Variants in CALN1 observed in about 807,000 individuals in gnomAD.
The protein encoded by CALN1 is calneuron 1.
Under a neutral mutation model 30.6 loss-of-function variants are expected in CALN1, and 17 were observed. That is an observed-to-expected ratio of 0.56 (90% CI 0.38 to 0.83). The LOEUF (loss-of-function observed/expected upper bound fraction) is 0.83, where lower values mean the gene tolerates loss of function less well. Ranked by LOEUF, CALN1 falls within the 40% of genes least tolerant of loss-of-function variation. CALN1 has a pLI of 0.00. For missense variants in CALN1, 291 were observed against 354.9 expected (o/e 0.82, Z 1.45); for synonymous variants, 156 against 131.4 (o/e 1.19, Z -1.28).
intron 5 of CALN1, among the ~76,000 whole-genome samples, chr7:71,906,669 A>G (rs1430535969): frequency 6.6e-6 from 1 of 152,170 alleles, no homozygotes; most frequent in African/African-American, 2.4e-5. Flanking sequence ...GGCAAATTGG[A>G]CAACCAGATT....
chr7:71,814,845 T>C (rs1788165910), intron 5 of CALN1, among the ~76,000 whole-genome samples: 1 of 152,024 alleles, frequency 6.6e-6, no homozygotes, highest in African/African-American at 2.4e-5. Flanking sequence ...TTTTTTTTTT[T>C]TTTTTTGAGA....
At chr7:72,015,974 C>T (rs967766230) in intron 5 of CALN1, among the ~76,000 whole-genome samples, 1 of 152,132 alleles carries the variant, frequency 6.6e-6, no homozygotes, top group Admixed American at 6.5e-5. Context: ...AGAGGCCAGG[C>T]ACGGTGGCTC....
chr7:72,049,361 A>AT (rs894386734), intron 4 of CALN1, among the ~76,000 whole-genome samples: 25 of 151,994 alleles, frequency 1.6e-4, no homozygotes, highest in East Asian at 1.5e-3. Context: ...GTAATGAGAC[A>AT]TTTTTTTTGG....
At chr7:72,142,002 A>T in intron 3 of CALN1, among the ~76,000 whole-genome samples, 1 of 152,194 alleles carries the variant, frequency 6.6e-6, no homozygotes, top group Non-Finnish European at 1.5e-5. Context: ...TGGTTCCAAG[A>T]TGGCCGAATA....
intron 2 of CALN1, among the ~76,000 whole-genome samples, chr7:72,311,979 G>A (rs1800085471): frequency 6.6e-6 from 1 of 152,104 alleles, no homozygotes; most frequent in Non-Finnish European, 1.5e-5. Context: ...AAGACCCAGT[G>A]GCAGAAGCAA....
Position 72,011,225 on chromosome 7 carries a change from C to CAAA in CALN1, c.501+12429_501+12431dup, listed in dbSNP as rs201590274. On this transcript the variant is annotated intron_variant, in intron 5 of 6. Coordinates refer to ENST00000395275, the MANE Select transcript of CALN1 (RefSeq NM_031468.4). ...TTCACCATGGCAATATAGGAAAAAA[C>CAAA]AAAAAAAAACAAAAACAAAAAACCA... is the stretch of plus-strand genomic sequence containing the variant. Among the ~76,000 whole-genome samples the CAAA allele has an allele frequency of 8.2e-3, 1,224 of 149,214 alleles. 20 individuals carry two copies. The highest frequency in any genetic ancestry group is 0.028 in the African/African-American group (1,146 of 40,544).
At chr7:72,293,923 C>G (rs928556924) in intron 2 of CALN1, among the ~76,000 whole-genome samples, 8 of 151,860 alleles carry the variant, frequency 5.3e-5, no homozygotes, top group Non-Finnish European at 1.2e-4. Context: ...ATGGTGAAAC[C>G]CCGCCTCTCC....
chr7:71,787,889 C>A lies in CALN1; in HGVS notation c.672G>T (p.Lys224Asn). The change falls in exon 7 of 7, where the codon AAG becomes AAT. Residue 224 changes from lysine to asparagine, a missense_variant. Lys to Asn is a moderately conservative substitution (Grantham distance 94). Transcript: ENST00000395275. The stretch of plus-strand genomic sequence containing the variant: ...TCCGGACGCAGGTCTGTCTGTTCTG[C>A]TTCTGGGAATGCACTGGTGGTGGGA... ...QTEFEGVHSQ[K>N]QNRQTCVRKS... The A allele has an allele frequency of 6.2e-7, 1 of 1,614,082 alleles. No individual in the cohort carries two copies. The highest frequency in any genetic ancestry group is 8.5e-7 in the Non-Finnish European group (1 of 1,180,016).
chr7:71,871,710 TACTCTTCTCTAGTTTCCCATGAATC>T (rs1791939192), intron 5 of CALN1, among the ~76,000 whole-genome samples: 1 of 152,148 alleles, frequency 6.6e-6, no homozygotes, highest in Non-Finnish European at 1.5e-5. Flanking sequence ...TTCCATCATT[TACTCTTCTCTAGTTTCCCATGAATC>T]ACTCTCCTCT....
intron 3 of CALN1, among the ~76,000 whole-genome samples, chr7:72,110,686 C>A (rs1584962376): frequency 3.6e-5 from 5 of 138,924 alleles, no homozygotes; most frequent in Non-Finnish European, 3.1e-5. Flanking sequence ...ATAGCAGAAA[C>A]AGGAAAAAAA....
chr7:72,307,755 C>T (rs908757760), intron 2 of CALN1, among the ~76,000 whole-genome samples: 10 of 152,054 alleles, frequency 6.6e-5, no homozygotes, highest in African/African-American at 1.7e-4. Flanking sequence ...AGAGAGCAGC[C>T]GGCAACAGGG....
chr7:72,038,513 T>C (rs1386828368), intron 4 of CALN1, among the ~76,000 whole-genome samples: 3 of 151,986 alleles, frequency 2.0e-5, no homozygotes, highest in African/African-American at 7.2e-5. Context: ...AGTGCTAGTG[T>C]CAGAGGTGTT....
Position 72,403,381 on chromosome 7 carries a change from G to C in CALN1, c.-12C>G, listed in dbSNP as rs771590615. 1.3e-5 allele frequency: 20 copies of C among 1,538,902 alleles called. No homozygotes were observed. In the African/African-American group the frequency reaches 2.6e-4, roughly 20 times the overall value. On this transcript the variant is annotated 5_prime_UTR_variant, in exon 2 of 7. Coordinates refer to ENST00000395275, the MANE Select transcript of CALN1 (RefSeq NM_031468.4). ...TCTGGCAGCCGCATCGGGGGTCCAG[G>C]GCGATGTTCTCAGAGAGAGTTAGAA...
At chr7:72,296,875 T>C (rs1198234499) in intron 2 of CALN1, among the ~76,000 whole-genome samples, 12 of 151,614 alleles carry the variant, frequency 7.9e-5, no homozygotes, top group South Asian at 6.3e-4. Flanking sequence ...CTACTCTGAT[T>C]TTAGTTATTT....
intron 2 of CALN1, among the ~76,000 whole-genome samples, chr7:72,365,904 A>C (rs992287172): frequency 1.3e-5 from 2 of 152,198 alleles, no homozygotes; most frequent in Non-Finnish European, 2.9e-5. Context: ...ATACTTCATC[A>C]TTTCAAGAAG....
intron 5 of CALN1, among the ~76,000 whole-genome samples, chr7:71,932,439 T>C (rs1264958553): frequency 6.6e-6 from 1 of 152,038 alleles, no homozygotes; most frequent in Non-Finnish European, 1.5e-5. Context: ...AGTGCTGTGG[T>C]TACAAGCATG....
At chr7:72,350,899 G>C (rs1455449268) in intron 2 of CALN1, among the ~76,000 whole-genome samples, 2 of 152,204 alleles carry the variant, frequency 1.3e-5, no homozygotes, top group Non-Finnish European at 2.9e-5. Context: ...CCAGCACTTT[G>C]GGAGGCCAAG....
intron 5 of CALN1, among the ~76,000 whole-genome samples, chr7:71,812,695 A>G (rs181569388): frequency 1.1e-4 from 17 of 152,008 alleles, no homozygotes; most frequent in African/African-American, 4.1e-4. Flanking sequence ...TCTCGTAATG[A>G]TCTTGTTATC....
chr7:72,226,027 C>T (rs1009090762), intron 3 of CALN1, among the ~76,000 whole-genome samples: 8 of 147,202 alleles, frequency 5.4e-5, no homozygotes, highest in African/African-American at 2.0e-4. Context: ...ACCCGGGAGG[C>T]AGGGGTTGCA....
Sources: gnomAD v4.1 joint callset for allele counts (sites outside exome capture counted in the v4.1 genomes callset) on GRCh38, gnomAD v4.1.1 for gene constraint, MANE v1.5 for transcripts, NCBI Gene and HGNC (gene_info 2026-07-23, HGNC 2026-07-21) for gene names.